The following WSB2 variants were observed in gnomAD, a reference collection of about 807,000 sequenced individuals.
WSB2 encodes WD repeat and SOCS box containing 2.
A neutral mutation model predicts 48.8 loss-of-function variants in WSB2; 12 were observed. The observed-to-expected ratio is 0.25, with a 90% CI of 0.16 to 0.40. The LOEUF is 0.40. WSB2 is among the 10% of genes least tolerant of loss of function. The pLI, the probability that WSB2 is intolerant of heterozygous loss-of-function variation, is 1.00. For synonymous variants in WSB2, 191 were observed against 203.1 expected (o/e 0.94, Z 0.51); for missense variants, 317 against 506.2 (o/e 0.63, Z 3.59).
intron 1 of WSB2, among the ~76,000 whole-genome samples, chr12:118,053,270 G>A (rs1038964180): frequency 3.3e-5 from 5 of 151,906 alleles, no homozygotes; most frequent in South Asian, 2.1e-4. Context: ...CTCCCTGCAG[G>A]CCACACTCTG....
At chr12:118,049,315 C>A (rs1593470310) in intron 2 of WSB2, among the ~76,000 whole-genome samples, 1 of 152,074 alleles carries the variant, frequency 6.6e-6, no homozygotes, top group South Asian at 2.1e-4. Flanking sequence ...TCCTCTCATC[C>A]CTGGATTTCA....
upstream of WSB2, chr12:118,062,056 A>G (rs1440903165): frequency 1.3e-6 from 2 of 1,520,888 alleles, no homozygotes; most frequent in East Asian, 2.5e-5. Flanking sequence ...GAGATAAAAA[A>G]CGGGGCAGGA....
chr12:118,055,015 T>TAA (rs11426565), intron 1 of WSB2, among the ~76,000 whole-genome samples: 162 of 135,248 alleles, frequency 1.2e-3, no homozygotes, highest in African/African-American at 3.5e-3. Context: ...TCCATCTCTT[T>TAA]AAAAAAAAAA....
Position 118,052,660 on chromosome 12 carries a change from A to G in WSB2, c.14-182T>C. ...GGCCACATTCCACCACGGTTACTCA[A>G]TCCTGGCACTCCTCACTGCTGGTTA... is the stretch of plus-strand genomic sequence containing the variant. On this transcript the variant is annotated intron_variant, in intron 1 of 8. Transcript: ENST00000315436. The G allele has an allele frequency of 4.8e-6, 4 of 839,730 alleles. No homozygotes were observed. In the South Asian group the frequency reaches 7.0e-5, roughly 15 times the overall value. The allele number at this position is 839,730 out of a possible 1,614,324, so 52.0% of individuals were successfully genotyped here. A position where few individuals can be genotyped will look rare whatever the true frequency, so the allele number is the denominator to read the frequency against.
chr12:118,034,717 T>G, intron 8 of WSB2: 1 of 528,574 alleles, frequency 1.9e-6, no homozygotes. Flanking sequence ...TTCCCATATA[T>G]TATGCATCAT....
Position 118,036,522 on chromosome 12 carries a change from A to T in WSB2, c.661-12T>A. 1 of 1,605,398 alleles carries T rather than the reference A, an allele frequency of 6.2e-7. No homozygotes were observed. On this transcript the variant is annotated splice_polypyrimidine_tract_variant and intron_variant, in intron 5 of 8. Coordinates refer to ENST00000315436, the MANE Select transcript of WSB2 (RefSeq NM_018639.5). ...CTCCATAGAAAGACCTGTGGAAAGT[A>T]AGAAGTGCCTGGTTAGGGCAGAAGC...
chr12:118,061,241 G>T (rs1225899093), upstream of WSB2: 2 of 951,146 alleles, frequency 2.1e-6, no homozygotes, highest in South Asian at 4.9e-5. Context: ...GGGAAACGGA[G>T]GGGGGGTGCG....
chr12:118,046,466 C>CA (rs57540760), intron 2 of WSB2, among the ~76,000 whole-genome samples: 1,835 of 113,038 alleles, frequency 0.016, 18 homozygotes, highest in Non-Finnish European at 0.019. Context: ...GACTCCATCT[C>CA]AAAAAAAAAA....
rs751306909 is a variant in WSB2, at chr12:118,043,305, C to T, written c.255G>A (p.Glu85=). The change falls in exon 3 of 9, where the codon GAG becomes GAA. Residue 85 remains glutamate, a synonymous_variant. Coordinates refer to ENST00000315436, the MANE Select transcript of WSB2 (RefSeq NM_018639.5). ...NETKGRGSPK[E]KTLDCGQIVW... Reference sequence around the variant, plus strand: ...CAATCTGACCACAGTCCAGCGTCTTCTCTTTTGGGCTGCCCCGCCCTTTCG... The same window carrying T: ...CAATCTGACCACAGTCCAGCGTCTTTTCTTTTGGGCTGCCCCGCCCTTTCG... 15 of 1,612,578 alleles carry T rather than the reference C, an allele frequency of 9.3e-6. No individual in the cohort carries two copies. The South Asian group carries it at 1.5e-4, about 17-fold the overall frequency.
At chr12:118,038,475 C>G in intron 4 of WSB2, 87 bp from the exon 5 acceptor site, 1 of 1,265,458 alleles carries the variant, frequency 7.9e-7, no homozygotes, top group Non-Finnish European at 1.1e-6. Flanking sequence ...GTAACAGCCC[C>G]CAGCCCAGTA....
intron 4 of WSB2, among the ~76,000 whole-genome samples, chr12:118,040,879 C>G (rs1364854891): frequency 6.6e-6 from 1 of 152,154 alleles, no homozygotes; most frequent in Non-Finnish European, 1.5e-5. Context: ...GAAACCCTGT[C>G]TCTACTAAAA....
chr12:118,041,582 G>A (rs1759662649), intron 4 of WSB2, among the ~76,000 whole-genome samples: 1 of 151,882 alleles, frequency 6.6e-6, no homozygotes, highest in South Asian at 2.1e-4. Context: ...TTCACACCAT[G>A]GGGACAAGTG....
At chr12:118,040,213 C>A (rs549124513) in intron 4 of WSB2, among the ~76,000 whole-genome samples, 21 of 152,176 alleles carry the variant, frequency 1.4e-4, no homozygotes, top group Admixed American at 5.9e-4. Context: ...GCTGTCAAAT[C>A]TCAGGGTGCT....
intron 2 of WSB2, among the ~76,000 whole-genome samples, chr12:118,047,051 C>CGT (rs1187751380): frequency 9.9e-5 from 15 of 152,268 alleles, no homozygotes; most frequent in Admixed American, 9.8e-4. Context: ...AGATTACAGG[C>CGT]GTGTGACACC....
chr12:118,050,249 G>A (rs1224583407), intron 2 of WSB2, among the ~76,000 whole-genome samples: 1 of 152,182 alleles, frequency 6.6e-6, no homozygotes, highest in East Asian at 1.9e-4. Context: ...ACATAGAGTT[G>A]CCCTGGGACA....
chr12:118,051,159 G>A (rs1036048773), intron 2 of WSB2, among the ~76,000 whole-genome samples: 1 of 152,140 alleles, frequency 6.6e-6, no homozygotes, highest in African/African-American at 2.4e-5. Flanking sequence ...CCACTAGGAT[G>A]GCTGCCTGCT....
chr12:118,048,885 C>T (rs1289323572), intron 2 of WSB2, among the ~76,000 whole-genome samples: 1 of 152,070 alleles, frequency 6.6e-6, no homozygotes, highest in African/African-American at 2.4e-5. Flanking sequence ...TTTCCCCAAC[C>T]GACACATGCT....
At chr12:118,038,049 T>C in intron 5 of WSB2, 1 of 381,562 alleles carries the variant, frequency 2.6e-6, no homozygotes, top group Non-Finnish European at 4.7e-6. Flanking sequence ...GTTTTCCCAT[T>C]TTATAAAGGG....
At chr12:118,039,792 G>A (rs1445088090) in intron 4 of WSB2, among the ~76,000 whole-genome samples, 1 of 151,162 alleles carries the variant, frequency 6.6e-6, no homozygotes, top group Non-Finnish European at 1.5e-5. Flanking sequence ...TGCCTAGGTG[G>A]GAGTGCAATG....
Sources: allele counts gnomAD v4.1 joint callset (sites outside exome capture counted in the v4.1 genomes callset), GRCh38; gene constraint gnomAD v4.1.1; transcripts MANE v1.5; gene names NCBI Gene and HGNC (gene_info 2026-07-23, HGNC 2026-07-21).